Variants in SRGAP2B observed in about 807,000 individuals in gnomAD.
SRGAP2B encodes SLIT-ROBO Rho GTPase-activating protein 2B.
Under a neutral mutation model 22.2 loss-of-function variants are expected in SRGAP2B, and 9 were observed. That is an observed-to-expected ratio of 0.41 (90% CI 0.24 to 0.71). The LOEUF (loss-of-function observed/expected upper bound fraction) is 0.71, where lower values mean the gene tolerates loss of function less well. SRGAP2B is among the 30% of genes least tolerant of loss of function. The probability of loss-of-function intolerance (pLI) is 0.35; values close to 1 mark genes in which losing one functional copy is unlikely to be tolerated. For missense variants in SRGAP2B, 114 were observed against 235.8 expected, an observed-to-expected ratio of 0.48 and a Z score of 3.38; for synonymous variants, 36 against 87.4, an observed-to-expected ratio of 0.41 and a Z score of 3.28.
At chr1:145,036,391 T>C (rs1214800766) in intron 2 of SRGAP2B, among the ~76,000 whole-genome samples, 1 of 139,524 alleles carries the variant, frequency 7.2e-6, no homozygotes, top group Non-Finnish European at 1.5e-5. Context: ...TAAAAGAGAG[T>C]GCCTTCCTTT....
chr1:144,956,034 C>T (rs1327717832), intron 3 of SRGAP2B, among the ~76,000 whole-genome samples: 16 of 148,244 alleles, frequency 1.1e-4, no homozygotes, highest in East Asian at 4.0e-4. Flanking sequence ...AGTAAGAGGG[C>T]GCCAGGGACT....
chr1:144,945,038 G>A (rs1281628920), intron 4 of SRGAP2B, among the ~76,000 whole-genome samples: 1 of 134,376 alleles, frequency 7.4e-6, no homozygotes, highest in Non-Finnish European at 1.6e-5. Flanking sequence ...GGGATTACAG[G>A]TGTGAGCCAC....
intron 2 of SRGAP2B, among the ~76,000 whole-genome samples, chr1:145,063,637 G>A (rs1364908163): frequency 3.3e-5 from 5 of 150,438 alleles, no homozygotes; most frequent in African/African-American, 1.0e-4. Flanking sequence ...CCACAGGGCT[G>A]TGAGCATTTT....
intron 2 of SRGAP2B, among the ~76,000 whole-genome samples, chr1:145,064,330 G>A (rs1651259637): frequency 6.7e-6 from 1 of 148,820 alleles, no homozygotes; most frequent in Non-Finnish European, 1.5e-5. Flanking sequence ...GCAGGGGAAA[G>A]AAGATGGCAG....
chr1:145,030,720 A>T (rs868921600), intron 2 of SRGAP2B, among the ~76,000 whole-genome samples: 1 of 53,198 alleles, frequency 1.9e-5, no homozygotes, highest in Non-Finnish European at 3.4e-5. Flanking sequence ...AAAAAAAAAA[A>T]AATATATATA....
chr1:144,925,589 AG>A (rs1457297636), intron 4 of SRGAP2B, among the ~76,000 whole-genome samples: 2 of 140,926 alleles, frequency 1.4e-5, no homozygotes, highest in Non-Finnish European at 3.0e-5. Context: ...GGTTGCAGTG[AG>A]CTGAGATTGC....
intron 3 of SRGAP2B, among the ~76,000 whole-genome samples, chr1:144,981,058 T>G (rs1669292842): frequency 6.7e-6 from 1 of 149,780 alleles, no homozygotes; most frequent in East Asian, 2.0e-4. Context: ...CCATTTCAAT[T>G]ATAAAAACAC....
intron 5 of SRGAP2B, among the ~76,000 whole-genome samples, chr1:144,908,814 ATATGTATATC>A (rs1339465788): frequency 7.3e-6 from 1 of 137,310 alleles, no homozygotes; most frequent in Non-Finnish European, 1.5e-5. Flanking sequence ...ATATGTAAAT[ATATGTATATC>A]TATATATCTA....
At chr1:144,955,239 T>C (rs1177733674) in intron 4 of SRGAP2B, among the ~76,000 whole-genome samples, 200 bp downstream of exon 4, 1 of 149,218 alleles carries the variant, frequency 6.7e-6, no homozygotes, top group Non-Finnish European at 1.5e-5. Context: ...ATATTCTTTC[T>C]TTTATTTTTT....
chr1:145,090,096 TG>T (rs1424207019), intron 2 of SRGAP2B, among the ~76,000 whole-genome samples: 3 of 146,640 alleles, frequency 2.0e-5, no homozygotes, highest in Non-Finnish European at 4.4e-5. Flanking sequence ...CTTTTTATCT[TG>T]GCATCTGTAA....
intron 1 of SRGAP2B, among the ~76,000 whole-genome samples, chr1:145,093,996 G>C (rs782091805): frequency 2.7e-5 from 4 of 148,132 alleles, no homozygotes; most frequent in Admixed American, 1.3e-4. Flanking sequence ...TGCTCGGCAC[G>C]GGACACATCC....
At chr1:145,021,535 C>T (rs1207014562) in intron 2 of SRGAP2B, among the ~76,000 whole-genome samples, 2 of 106,990 alleles carry the variant, frequency 1.9e-5, no homozygotes, top group Non-Finnish European at 3.6e-5. Flanking sequence ...TTGGCAAGAT[C>T]CGAAACCAAA....
At chr1:144,993,058 G>T (rs1570951592) in intron 3 of SRGAP2B, among the ~76,000 whole-genome samples, 1 of 151,276 alleles carries the variant, frequency 6.6e-6, no homozygotes, top group Non-Finnish European at 1.5e-5. Context: ...TAAGACATGG[G>T]CATGACTTAG....
intron 4 of SRGAP2B, among the ~76,000 whole-genome samples, chr1:144,921,201 G>T (rs1553604286): frequency 9.2e-6 from 1 of 109,008 alleles, no homozygotes; most frequent in Non-Finnish European, 1.6e-5. Flanking sequence ...TTTTTTTCCT[G>T]TCCCAGCCAA....
intron 4 of SRGAP2B, chr1:144,917,857 TG>T (rs1663974787): frequency 1.3e-5 from 1 of 78,864 alleles, no homozygotes; most frequent in Non-Finnish European, 2.3e-5. Context: ...ATTCGTTCTC[TG>T]TTTCAGAAAC....
At position 145,066,678 on chromosome 1, in the gene SRGAP2B, T is replaced by G. The variant is rs587746400; in HGVS notation, c.67+26157A>C. 8.7e-4 allele frequency among the ~76,000 whole-genome samples: 132 copies of G among 151,848 alleles called. 1 individual carries two copies. The highest frequency in any genetic ancestry group is 6.8e-3 in the South Asian group (33 of 4,818). ...GCCCAGGCCGTCTGGCTACTACAGA[T>G]AAGCACCCCAGCCCGGGAGCACAGA... On this transcript the variant is annotated intron_variant, in intron 2 of 9. Transcript: ENST00000612199.
At chr1:145,039,408 G>A (rs587746197) in intron 2 of SRGAP2B, among the ~76,000 whole-genome samples, 6 of 119,698 alleles carry the variant, frequency 5.0e-5, no homozygotes, top group African/African-American at 9.3e-5. Context: ...CCAGAAGGTC[G>A]AGGCTGCAGT....
intron 3 of SRGAP2B, among the ~76,000 whole-genome samples, chr1:144,973,947 G>A (rs1668716258): frequency 6.7e-6 from 1 of 148,804 alleles, no homozygotes; most frequent in South Asian, 2.1e-4. Flanking sequence ...TTGCAAGCTG[G>A]TGAATTATTT....
At position 144,975,868 on chromosome 1, in the gene SRGAP2B, C is replaced by CT. The variant is rs56268353; in HGVS notation, c.260+19139dup. Among the ~76,000 whole-genome samples the CT allele has an allele frequency of 1.8e-3, 48 of 27,334 alleles. 1 individual carries two copies. The highest frequency in any genetic ancestry group is 2.0e-3 in the Non-Finnish European group (35 of 17,182). The allele number at this position is 27,334 out of a possible 152,430, so 17.9% of individuals were successfully genotyped here. A position where few individuals can be genotyped will look rare whatever the true frequency, so the allele number is the denominator to read the frequency against. ...TTTTCAGAGGCATGGGTTAGTAATTCTTTTTTTTTTTTTTTTTTTTTTTGA... is the reference window on the plus strand; with the variant it reads ...TTTTCAGAGGCATGGGTTAGTAATTCTTTTTTTTTTTTTTTTTTTTTTTTGA... On this transcript the variant is annotated intron_variant, in intron 3 of 9. Coordinates refer to ENST00000612199, the Ensembl canonical transcript of SRGAP2B.
Sources: allele counts gnomAD v4.1 joint callset (sites outside exome capture counted in the v4.1 genomes callset), GRCh38; gene constraint gnomAD v4.1.1; transcripts MANE v1.5; gene names NCBI Gene and HGNC (gene_info 2026-07-23, HGNC 2026-07-21).